UTRN: variants seen among roughly 807,000 people sequenced by gnomAD.
UTRN encodes the protein utrophin, also known as dystrophin-related protein 1.
A neutral mutation model predicts 463.9 loss-of-function variants in UTRN; 283 were observed. The observed-to-expected ratio is 0.61, with a 90% CI of 0.55 to 0.67. UTRN has a LOEUF of 0.67. Among genes scored for constraint, UTRN ranks in the 30% least tolerant of loss-of-function variants. The pLI is 0.00. For synonymous variants in UTRN, 1,442 were observed against 1,431.5 expected, an observed-to-expected ratio of 1.01 and a Z score of -0.17; for missense variants, 3,922 against 4,084.3, an observed-to-expected ratio of 0.96 and a Z score of 1.08.
intron 52 of UTRN, 125 bp from the exon 53 acceptor site, chr6:144,699,962 T>A: frequency 1.4e-6 from 1 of 735,082 alleles, no homozygotes; most frequent in South Asian, 4.5e-5. Flanking sequence ...GGAGTCAGTC[T>A]CTTTTGTGGA....
intron 2 of UTRN, among the ~76,000 whole-genome samples, chr6:144,299,283 A>G (rs759897528): frequency 3.3e-5 from 5 of 152,210 alleles, no homozygotes; most frequent in African/African-American, 4.8e-5. Context: ...CTCTTAATTT[A>G]TAGACAAGGA....
At chr6:144,602,699 C>G (rs1325334427) in intron 51 of UTRN, among the ~76,000 whole-genome samples, 1 of 151,920 alleles carries the variant, frequency 6.6e-6, no homozygotes, top group Non-Finnish European at 1.5e-5. Flanking sequence ...CCAAAACAAT[C>G]ACAAACAAGC....
intron 41 of UTRN, among the ~76,000 whole-genome samples, chr6:144,526,821 A>G (rs1021764384): frequency 1.3e-5 from 2 of 148,874 alleles, no homozygotes; most frequent in African/African-American, 5.0e-5. Context: ...TGTTGTTGAC[A>G]GGTCTTCTTC....
At chr6:144,502,366 C>T (rs892705051) in intron 34 of UTRN, among the ~76,000 whole-genome samples, 6 of 151,870 alleles carry the variant, frequency 4.0e-5, no homozygotes, top group East Asian at 1.9e-4. Flanking sequence ...CTCATCAACC[C>T]GTCATCTACA....
At chr6:144,793,546 T>C (rs1176008994) in intron 62 of UTRN, among the ~76,000 whole-genome samples, 3 of 152,214 alleles carry the variant, frequency 2.0e-5, no homozygotes, top group Admixed American at 2.0e-4. Flanking sequence ...AAATTTGCAT[T>C]TATTGATTTA....
chr6:144,558,107 A>G (rs1262250523), intron 50 of UTRN, among the ~76,000 whole-genome samples: 1 of 152,234 alleles, frequency 6.6e-6, no homozygotes, highest in African/African-American at 2.4e-5. Flanking sequence ...CGTGAATAAA[A>G]TGGGTATTAG....
intron 2 of UTRN, among the ~76,000 whole-genome samples, chr6:144,348,467 G>C (rs1056837006): frequency 6.6e-6 from 1 of 152,188 alleles, no homozygotes; most frequent in African/African-American, 2.4e-5. Context: ...AGTGATCACA[G>C]GGCAGTGAGA....
rs1381636124 is a variant in UTRN, at chr6:144,435,949, G to A, written c.870G>A (p.Glu290=). 6.2e-7 allele frequency: 1 copy of A among 1,614,000 alleles called. No homozygotes were observed. The highest frequency in any genetic ancestry group is 2.2e-5 in the East Asian group (1 of 44,874). Residue 290 remains glutamate (E), a synonymous_variant, in exon 10 of 75, where the codon GAG becomes GAA. Transcript: ENST00000367545. ...TGTTTTTACAGAGTACAGCGCCTGA[G>A]GAGGAGCATGAGAGTCCCCGAGCTG... ...EAINIQSTAP[E]EEHESPRAET...
intron 32 of UTRN, among the ~76,000 whole-genome samples, chr6:144,492,491 T>C (rs1793165289): frequency 1.3e-5 from 2 of 152,216 alleles, no homozygotes; most frequent in Non-Finnish European, 2.9e-5. Context: ...CGGGAGTGCA[T>C]GTGTCCTTTT....
intron 46 of UTRN, among the ~76,000 whole-genome samples, chr6:144,545,340 C>G (rs1316852845): frequency 6.6e-6 from 1 of 152,196 alleles, no homozygotes; most frequent in Non-Finnish European, 1.5e-5. Context: ...TGTTCACAGT[C>G]TTTTAATCAC....
chr6:144,428,968 TC>T (rs972992314), intron 8 of UTRN, 75 bp downstream of exon 8: 1 of 998,898 alleles, frequency 1.0e-6, no homozygotes, highest in Admixed American at 3.0e-5. Flanking sequence ...TGTTTCTTTG[TC>T]CTTTTAAAAA....
chr6:144,748,420 C>T lies in UTRN; in HGVS notation c.8114C>T (p.Ala2705Val). 1 of 1,613,914 alleles carries T rather than the reference C, an allele frequency of 6.2e-7. No individual in the cohort carries two copies. The highest frequency in any genetic ancestry group is 8.5e-7 in the Non-Finnish European group (1 of 1,179,936). ...DLQGAMDDLD[A>V]DMKEAESVRN... ...CAGGGAGCTATGGATGACCTGGACG[C>T]TGACATGAAGGAGGCAGAGTCCGTG... Residue 2705 changes from alanine (A) to valine (V), a missense_variant, in exon 55 of 75, where the codon GCT (alanine) becomes GTT (valine). By Grantham distance (64) the Ala-to-Val change is moderately conservative. This residue lies in a region of UTRN where 1,309 missense variants were observed against 1,452.6 expected (regional missense o/e 0.90). Transcript: ENST00000367545.
chr6:144,475,849 G>A (rs1346642499), intron 25 of UTRN, among the ~76,000 whole-genome samples: 1 of 152,008 alleles, frequency 6.6e-6, no homozygotes, highest in Admixed American at 6.6e-5. Context: ...GCTGAGGTGG[G>A]TGGATTGCCT....
chr6:144,516,366 A>G lies in UTRN; in HGVS notation c.5382A>G (p.Glu1794=), dbSNP rs143378298. The G allele has an allele frequency of 2.0e-5, 33 of 1,613,328 alleles. No individual in the cohort carries two copies. In the African/African-American group the frequency reaches 4.0e-4, roughly 20 times the overall value. Residue 1794 remains glutamate, a synonymous_variant, in exon 38 of 75, where the codon GAA becomes GAG. Transcript: ENST00000367545. ...NMLKFVEKHL[E]SSDEDEKMDE... Reference sequence around the variant, plus strand: ...TAAAATTTGTGGAAAAACACTTGGAATCCAGTGATGAAGATGAAAAGGTTG... The same window carrying G: ...TAAAATTTGTGGAAAAACACTTGGAGTCCAGTGATGAAGATGAAAAGGTTG...
chr6:144,314,770 T>C (rs1775175824), intron 2 of UTRN, among the ~76,000 whole-genome samples: 1 of 152,154 alleles, frequency 6.6e-6, no homozygotes, highest in South Asian at 2.1e-4. Context: ...TGCTGCCAAA[T>C]GGGTTATGGA....
At chr6:144,470,498 C>A (rs957410598) in intron 23 of UTRN, among the ~76,000 whole-genome samples, 1 of 150,982 alleles carries the variant, frequency 6.6e-6, no homozygotes, top group African/African-American at 2.4e-5. Context: ...TCCCCACATC[C>A]CAGATGATGG....
intron 6 of UTRN, 25 bp from the exon 7 acceptor site, chr6:144,426,262 G>T (rs773672286): frequency 6.3e-7 from 1 of 1,599,726 alleles, no homozygotes; most frequent in South Asian, 1.1e-5. Flanking sequence ...ATTAGTTATG[G>T]ACAGGCCTGG....
intron 13 of UTRN, among the ~76,000 whole-genome samples, chr6:144,442,864 G>A (rs1286236277): frequency 6.6e-6 from 1 of 152,202 alleles, no homozygotes; most frequent in Non-Finnish European, 1.5e-5. Context: ...CTTCTCAGAA[G>A]CACTTGAGGA....
intron 66 of UTRN, 116 bp from the exon 67 acceptor site, chr6:144,827,232 A>G: frequency 8.0e-7 from 1 of 1,255,548 alleles, no homozygotes. Context: ...TCTCAGGGCA[A>G]CCACATATAT....
Sources: gnomAD v4.1 joint callset for allele counts (sites outside exome capture counted in the v4.1 genomes callset) on GRCh38, gnomAD v4.1.1 for gene constraint, gnomAD v4.1.1 regional missense constraint, MANE v1.5 for transcripts, NCBI Gene and HGNC (gene_info 2026-07-23, HGNC 2026-07-21) for gene names.